The following CSMD1 variants were observed in gnomAD, a reference collection of about 807,000 sequenced individuals.
CSMD1 encodes the protein CUB and sushi domain-containing protein 1.
In CSMD1, 213 loss-of-function variants were observed where a neutral mutation model predicts 417.5. That is an observed-to-expected ratio of 0.51 (90% confidence interval 0.46 to 0.57). The LOEUF is 0.57. Among genes scored for constraint, CSMD1 ranks in the 20% least tolerant of loss-of-function variants. The pLI, the probability that CSMD1 is intolerant of heterozygous loss-of-function variation, is 0.00. For synonymous variants in CSMD1, 2,862 were observed against 1,736.8 expected (o/e 1.65, Z -16.11); for missense variants, 6,923 against 4,529.7 (o/e 1.53, Z -15.17).
rs150991200 is a variant in CSMD1, at chr8:3,774,762, G to T, written c.819-20720C>A. Among the ~76,000 whole-genome samples the T allele has an allele frequency of 7.4e-3, 1,122 of 152,232 alleles. 4 individuals are homozygous for T. Among genetic ancestry groups the T allele is most frequent in the Middle Eastern group, 0.051 (15 of 294 alleles). On this transcript the variant is annotated intron_variant, in intron 5 of 69. Transcript: ENST00000635120. ...AAGGATTTCTATTTACTATTCTAATGAGTACAATATGGATGACACAGTGTC... is the reference window on the plus strand; with the variant it reads ...AAGGATTTCTATTTACTATTCTAATTAGTACAATATGGATGACACAGTGTC...
At chr8:3,646,466 A>G (rs1797577066) in intron 7 of CSMD1, among the ~76,000 whole-genome samples, 1 of 152,190 alleles carries the variant, frequency 6.6e-6, no homozygotes, top group African/African-American at 2.4e-5. Flanking sequence ...AATCGCACCT[A>G]TTATAATAAT....
At chr8:4,338,444 G>C (rs376039614) in intron 3 of CSMD1, among the ~76,000 whole-genome samples, 8 of 152,202 alleles carry the variant, frequency 5.3e-5, no homozygotes, top group African/African-American at 1.9e-4. Flanking sequence ...ATGCAAACAA[G>C]AAACCTGGAC....
chr8:3,990,677 A>C (rs1419968898), intron 5 of CSMD1, among the ~76,000 whole-genome samples: 2 of 152,230 alleles, frequency 1.3e-5, no homozygotes, highest in Non-Finnish European at 2.9e-5. Context: ...CTATTTCTAG[A>C]ATTTGTGAAG....
Position 3,004,204 on chromosome 8 carries a change from G to C in CSMD1, c.8030-4073C>G, listed in dbSNP as rs146752784. ...CAGTGGACCTTACACTATGATGCCA[G>C]AGCCCAGAGGCTGTGATTTGTCTTG... On this transcript the variant is annotated intron_variant, in intron 52 of 69. Transcript: ENST00000635120. 4.1e-3 allele frequency among the ~76,000 whole-genome samples: 630 copies of C among 152,258 alleles called. 7 individuals are homozygous for C. The highest frequency in any genetic ancestry group is 0.014 in the African/African-American group (583 of 41,542).
chr8:4,262,117 A>T (rs758488325), intron 3 of CSMD1, among the ~76,000 whole-genome samples: 46 of 152,096 alleles, frequency 3.0e-4, no homozygotes, highest in Non-Finnish European at 6.0e-4. Flanking sequence ...TCTCTTTCCT[A>T]TAGAGAATTG....
At chr8:3,283,936 G>A (rs1542103) in intron 26 of CSMD1, among the ~76,000 whole-genome samples, 1 of 152,126 alleles carries the variant, frequency 6.6e-6, no homozygotes, top group South Asian at 2.1e-4. Flanking sequence ...TTTCTCTTAA[G>A]CTGGCTTCTG....
rs61346558 is a variant in CSMD1, at chr8:3,123,468, A to G, written c.6242-4881T>C. The stretch of plus-strand genomic sequence containing the variant: ...ATTCCACACTGAGTTTCAACTATCA[A>G]CACATTTCCTTCTTTATTATTCTCT... On this transcript the variant is annotated intron_variant, in intron 41 of 69. Transcript: ENST00000635120. Among the ~76,000 whole-genome samples, 892 of 152,344 alleles carry G rather than the reference A, an allele frequency of 5.9e-3. 7 individuals carry two copies. Among genetic ancestry groups the G allele is most frequent in the African/African-American group, 0.02 (831 of 41,570 alleles).
chr8:4,086,578 T>C (rs1287521387), intron 3 of CSMD1, among the ~76,000 whole-genome samples: 2 of 152,210 alleles, frequency 1.3e-5, no homozygotes, highest in Non-Finnish European at 2.9e-5. Flanking sequence ...TCCAATCTCC[T>C]CTACTGATGC....
intron 3 of CSMD1, among the ~76,000 whole-genome samples, chr8:4,059,098 G>C (rs2912278): frequency 0.85 from 129,357 of 152,088 alleles, 55,771 homozygotes; most frequent in Admixed American, 0.93. Flanking sequence ...CTGTCTCTCA[G>C]ACCACAGTGC....
chr8:4,471,837 C>T (rs1277001696), intron 2 of CSMD1, among the ~76,000 whole-genome samples: 1 of 151,972 alleles, frequency 6.6e-6, no homozygotes, highest in Non-Finnish European at 1.5e-5. Context: ...GACTACGCTG[C>T]AAGGAAGGTG....
At chr8:3,772,749 T>A (rs1798686691) in intron 5 of CSMD1, among the ~76,000 whole-genome samples, 1 of 149,366 alleles carries the variant, frequency 6.7e-6, no homozygotes, top group South Asian at 2.1e-4. Flanking sequence ...CATACCTTCA[T>A]TCAGCAAATA....
At position 3,615,090 on chromosome 8, in the gene CSMD1, T is replaced by C. The variant is rs375617781; in HGVS notation, c.1097+1620A>G. 5.9e-5 allele frequency among the ~76,000 whole-genome samples: 9 copies of C among 152,324 alleles called. No homozygotes were observed. The South Asian group carries it at 8.3e-4, about 14-fold the overall frequency. On this transcript the variant is annotated intron_variant, in intron 8 of 69. Coordinates refer to ENST00000635120, the MANE Select transcript of CSMD1 (RefSeq NM_033225.6). Reference sequence around the variant, plus strand: ...ACTTCAAATGACTGCTGTTTTCTAATATGATACTGGAAACCAGCATCCTTC... The same window carrying C: ...ACTTCAAATGACTGCTGTTTTCTAACATGATACTGGAAACCAGCATCCTTC...
At chr8:4,686,515 C>T (rs1186026209) in intron 1 of CSMD1, among the ~76,000 whole-genome samples, 2 of 152,218 alleles carry the variant, frequency 1.3e-5, no homozygotes, top group East Asian at 1.9e-4. Flanking sequence ...AACACGGGAG[C>T]ACAGCGAAGA....
intron 10 of CSMD1, among the ~76,000 whole-genome samples, chr8:3,494,313 T>A (rs1323840499): frequency 2.0e-5 from 3 of 152,220 alleles, no homozygotes; most frequent in African/African-American, 7.2e-5. Flanking sequence ...GGTTTATGTT[T>A]GATGTGCCAG....
At chr8:3,998,335 A>T (rs1815387450) in intron 4 of CSMD1, among the ~76,000 whole-genome samples, 1 of 152,206 alleles carries the variant, frequency 6.6e-6, no homozygotes, top group Non-Finnish European at 1.5e-5. Context: ...CATTGCGGGA[A>T]AGATGGAAAC....
chr8:4,127,236 G>A (rs1714789), intron 3 of CSMD1, among the ~76,000 whole-genome samples: 77,379 of 151,542 alleles, frequency 0.51, 20,210 homozygotes, highest in East Asian at 0.61. Context: ...ATGGCCTTAC[G>A]GAAAGCTTCT....
intron 7 of CSMD1, among the ~76,000 whole-genome samples, chr8:3,701,087 G>A (rs1296708524): frequency 6.6e-6 from 1 of 152,120 alleles, no homozygotes; most frequent in East Asian, 1.9e-4. Context: ...AAGGTCTAGG[G>A]ACTGAATGGT....
intron 3 of CSMD1, among the ~76,000 whole-genome samples, chr8:4,413,776 A>C (rs963406573): frequency 6.6e-6 from 1 of 151,924 alleles, no homozygotes; most frequent in Non-Finnish European, 1.5e-5. Flanking sequence ...CAAACGAGAG[A>C]TTTCGGTAGC....
intron 12 of CSMD1, among the ~76,000 whole-genome samples, chr8:3,453,006 G>T (rs1030358152): frequency 1.3e-5 from 2 of 152,114 alleles, no homozygotes; most frequent in Non-Finnish European, 2.9e-5. Context: ...CCTGTTATTG[G>T]TCTATTCAGA....
Sources: allele counts gnomAD v4.1 joint callset (sites outside exome capture counted in the v4.1 genomes callset), GRCh38; gene constraint gnomAD v4.1.1; transcripts MANE v1.5; gene names NCBI Gene and HGNC (gene_info 2026-07-23, HGNC 2026-07-21).